AVL9: variants seen among roughly 807,000 people sequenced by gnomAD.
The protein encoded by AVL9 is AVL9 cell migration associated, also known as late secretory pathway protein AVL9 homolog.
AVL9 carries 49 observed loss-of-function variants against 79.2 expected under a neutral mutation model. The observed-to-expected ratio is 0.62, with a 90% CI of 0.49 to 0.79. The LOEUF (loss-of-function observed/expected upper bound fraction) is 0.79. Ranked by LOEUF, AVL9 falls within the 30% of genes least tolerant of loss-of-function variation. The pLI is 0.00. For synonymous variants in AVL9, 299 were observed against 280.6 expected (o/e 1.07, Z -0.65); for missense variants, 682 against 776.8 (o/e 0.88, Z 1.45).
At chr7:32,538,590 G>A (rs1043606463) in intron 1 of AVL9, 28 of 152,104 alleles carry the variant, frequency 1.8e-4, no homozygotes, top group African/African-American at 5.6e-4. Context: ...AGTAACAGGA[G>A]TATTCGCTTA....
Position 32,570,065 on chromosome 7 carries a change from C to G in AVL9, c.1261C>G (p.Leu421Val). 6.2e-7 allele frequency: 1 copy of G among 1,614,216 alleles called. No individual in the cohort carries two copies. The highest frequency in any genetic ancestry group is 8.5e-7 in the Non-Finnish European group (1 of 1,180,034). The change falls in exon 11 of 16, where the codon CTC (leucine) becomes GTC (valine). Residue 421 changes from leucine to valine, a missense_variant. Coordinates refer to ENST00000318709, the MANE Select transcript of AVL9 (RefSeq NM_015060.3). ...CATGGCATTGCAGCAGCATCATCTT[C>G]TCTCCGATGTCACCGTTCGGGGGTT... ...PYMALQQHHLLSDVTVRGFVA... is the reference protein window; with the variant it reads ...PYMALQQHHLVSDVTVRGFVA...
intron 10 of AVL9, among the ~76,000 whole-genome samples, chr7:32,569,040 C>T (rs1276008094): frequency 6.6e-6 from 1 of 152,132 alleles, no homozygotes; most frequent in African/African-American, 2.4e-5. Flanking sequence ...ACACAAAGCG[C>T]TCTCCTAGTT....
At position 32,570,231 on chromosome 7, in the gene AVL9, T is replaced by C. The variant is rs1314733567; in HGVS notation, c.1350+77T>C. ...TTTCTTAACTACAATTATGAATACA[T>C]AGTAACAACATTAGTAATGATAATA... On this transcript the variant is annotated intron_variant, in intron 11 of 15. Coordinates refer to ENST00000318709, the MANE Select transcript of AVL9 (RefSeq NM_015060.3). 13 of 1,546,734 alleles carry C rather than the reference T, an allele frequency of 8.4e-6. No homozygotes were observed. The South Asian group carries it at 9.2e-5, about 11-fold the overall frequency.
At chr7:32,562,651 A>T in intron 10 of AVL9, 2 of 983,546 alleles carry the variant, frequency 2.0e-6, no homozygotes, top group Non-Finnish European at 2.4e-6. Flanking sequence ...TGGACATAGC[A>T]TCTCACACCT....
chr7:32,505,346 A>G (rs1252702633), intron 1 of AVL9, among the ~76,000 whole-genome samples: 2 of 151,712 alleles, frequency 1.3e-5, no homozygotes, highest in African/African-American at 4.8e-5. Context: ...CAACATGGTG[A>G]AACCCCATCT....
In AVL9 at chr7:32,559,205, C is replaced by T; in HGVS notation, c.956C>T (p.Pro319Leu). Residue 319 changes from proline to leucine, a missense_variant, in exon 10 of 16, where the codon CCA (proline) becomes CTA (leucine). Pro to Leu is a moderately conservative substitution (Grantham distance 98). Transcript: ENST00000318709. The part of the protein sequence containing the change: ...PNDTNQYLKP[P>L]SRPSPDSSES... ...GATACCAATCAATATTTGAAACCTCCATCTCGCCCATCTCCAGATTCTTCA... is the reference window on the plus strand; with the variant it reads ...GATACCAATCAATATTTGAAACCTCTATCTCGCCCATCTCCAGATTCTTCA... 6.2e-7 allele frequency: 1 copy of T among 1,614,200 alleles called. No homozygotes were observed. Among genetic ancestry groups the T allele is most frequent in the South Asian group, 1.1e-5 (1 of 91,086 alleles).
At chr7:32,563,623 G>C (rs1333671644) in intron 10 of AVL9, among the ~76,000 whole-genome samples, 1 of 151,278 alleles carries the variant, frequency 6.6e-6, no homozygotes, top group African/African-American at 2.4e-5. Flanking sequence ...CTAGAACAAA[G>C]TATTCTGTTT....
At chr7:32,545,670 C>G (rs1272956649) in intron 3 of AVL9, among the ~76,000 whole-genome samples, 2 of 152,150 alleles carry the variant, frequency 1.3e-5, no homozygotes, top group African/African-American at 4.8e-5. Context: ...TATTCTTAAA[C>G]TACCTGCTAG....
chr7:32,499,265 C>T (rs1787010223), intron 1 of AVL9, among the ~76,000 whole-genome samples: 2 of 151,844 alleles, frequency 1.3e-5, no homozygotes, highest in African/African-American at 4.8e-5. Flanking sequence ...ATTGTGTATT[C>T]CAGAGTTTTG....
At chr7:32,544,314 C>G (rs760336326) in intron 2 of AVL9, among the ~76,000 whole-genome samples, 2 of 152,158 alleles carry the variant, frequency 1.3e-5, no homozygotes, top group Non-Finnish European at 2.9e-5. Flanking sequence ...AACATCCAAT[C>G]TGTGTTCAAA....
chr7:32,582,453 A>G (rs1307402926), intron 15 of AVL9, among the ~76,000 whole-genome samples: 3 of 152,252 alleles, frequency 2.0e-5, no homozygotes, highest in Non-Finnish European at 4.4e-5. Flanking sequence ...AAAGGAATGG[A>G]ATTTAGCACA....
chr7:32,512,299 T>C (rs1050792698), intron 1 of AVL9, among the ~76,000 whole-genome samples: 13 of 152,092 alleles, frequency 8.5e-5, no homozygotes, highest in African/African-American at 3.1e-4. Context: ...ATTGGGAAAA[T>C]GGGAAGTCAG....
chr7:32,504,977 G>A (rs867597504), intron 1 of AVL9, among the ~76,000 whole-genome samples: 8 of 151,980 alleles, frequency 5.3e-5, no homozygotes, highest in Non-Finnish European at 1.2e-4. Context: ...GGGTACAAGC[G>A]ATTCTCCTGC....
intron 1 of AVL9, among the ~76,000 whole-genome samples, chr7:32,500,846 C>T (rs956669744): frequency 6.6e-6 from 1 of 152,096 alleles, no homozygotes; most frequent in African/African-American, 2.4e-5. Flanking sequence ...TTTCCCAGCA[C>T]CAGTTATTAA....
intron 10 of AVL9, among the ~76,000 whole-genome samples, chr7:32,568,251 A>G (rs370554278): frequency 2.0e-5 from 3 of 149,888 alleles, no homozygotes; most frequent in Non-Finnish European, 4.4e-5. Flanking sequence ...CCCAGGCTGG[A>G]GTACGATGGT....
chr7:32,525,680 T>A (rs1788372364), intron 1 of AVL9, among the ~76,000 whole-genome samples: 1 of 152,206 alleles, frequency 6.6e-6, no homozygotes, highest in African/African-American at 2.4e-5. Context: ...TTCATATCTT[T>A]AGTTGGTGCC....
Position 32,503,369 on chromosome 7 carries a change from TATATACACACACACACACAC to T in AVL9, c.93+7569_93+7588del, listed in dbSNP as rs1787252635. On this transcript the variant is annotated intron_variant, in intron 1 of 15. Coordinates refer to ENST00000318709, the MANE Select transcript of AVL9 (RefSeq NM_015060.3). ...AGATATAGATATAGAGAGATATATA[TATATACACACACACACACAC>T]ACACACACACACACACAAATTAGCC... Among the ~76,000 whole-genome samples, 5 of 101,334 alleles carry T rather than the reference TATATACACACACACACACAC, an allele frequency of 4.9e-5. No homozygotes were observed. In the East Asian group the frequency reaches 1.5e-3, roughly 31 times the overall value. 66.5% of individuals were successfully genotyped at this position (101,334 alleles called of 152,430 possible). A position where few individuals can be genotyped will look rare whatever the true frequency, so the allele number is the denominator to read the frequency against.
chr7:32,564,019 C>T (rs1001790605), intron 10 of AVL9, among the ~76,000 whole-genome samples: 2 of 152,132 alleles, frequency 1.3e-5, no homozygotes, highest in Non-Finnish European at 1.5e-5. Flanking sequence ...CTATACCTTT[C>T]GGAGCCCTGA....
chr7:32,517,497 G>A (rs1290080901), intron 1 of AVL9, among the ~76,000 whole-genome samples: 3 of 151,662 alleles, frequency 2.0e-5, no homozygotes, highest in Non-Finnish European at 4.4e-5. Context: ...GTAGAGACGG[G>A]GTTTCACCAT....
Sources: allele counts gnomAD v4.1 joint callset (sites outside exome capture counted in the v4.1 genomes callset), GRCh38; gene constraint gnomAD v4.1.1; transcripts MANE v1.5; gene names NCBI Gene and HGNC (gene_info 2026-07-23, HGNC 2026-07-21).